The following SPTBN4 variants were observed in gnomAD, a reference collection of about 807,000 sequenced individuals.
The protein encoded by SPTBN4 is spectrin beta, non-erythrocytic 4.
A neutral mutation model predicts 277.8 loss-of-function variants in SPTBN4; 96 were observed. That is an observed-to-expected ratio of 0.35 (90% confidence interval 0.29 to 0.41). SPTBN4 has a LOEUF of 0.41. Among genes scored for constraint, SPTBN4 ranks in the 10% least tolerant of loss-of-function variants. The pLI, the probability that SPTBN4 is intolerant of heterozygous loss-of-function variation, is 1.00. For synonymous variants in SPTBN4, 1,481 were observed against 1,580.3 expected, an observed-to-expected ratio of 0.94 and a Z score of 1.49; for missense variants, 3,006 against 3,595.7, an observed-to-expected ratio of 0.84 and a Z score of 4.19.
In SPTBN4 at chr19:40,560,234, CGGG is replaced by C; in HGVS notation, c.5747_5749del (p.Arg1916_Glu1917delinsGln). On this transcript the variant is annotated inframe_deletion, in exon 27 of 36. Transcript: ENST00000598249. The surrounding 1 kb of genome is among the most constrained non-coding windows in gnomAD (Gnocchi z 5.2). ...TGAACATGCCGAGGCCATCGCTAGC[CGGG>C]AGCAGGAGGTGCTGCAGGGTTGGAA... 6.2e-7 allele frequency: 1 copy of C among 1,611,844 alleles called. No individual in the cohort carries two copies. The highest frequency in any genetic ancestry group is 8.5e-7 in the Non-Finnish European group (1 of 1,179,946).
chr19:40,480,760 C>A (rs1319114362), intron 2 of SPTBN4, among the ~76,000 whole-genome samples: 2 of 151,980 alleles, frequency 1.3e-5, no homozygotes, highest in Non-Finnish European at 2.9e-5. Context: ...TAGTTTGGGG[C>A]TACTATAAAT....
chr19:40,471,137 G>A (rs2079880037), intron 1 of SPTBN4, among the ~76,000 whole-genome samples: 1 of 151,922 alleles, frequency 6.6e-6, no homozygotes, highest in Non-Finnish European at 1.5e-5. Context: ...TTTAGAGACA[G>A]GGTTTCACCA....
In SPTBN4 at chr19:40,490,089, C is replaced by A; in HGVS notation, c.336C>A (p.Arg112=). 6.2e-7 allele frequency: 1 copy of A among 1,610,886 alleles called. No individual in the cohort carries two copies. The highest frequency in any genetic ancestry group is 8.5e-7 in the Non-Finnish European group (1 of 1,177,894). Residue 112 remains arginine (R), a synonymous_variant, in exon 4 of 36, where the codon CGC becomes CGA. Transcript: ENST00000598249. The surrounding 1 kb of genome is among the most constrained non-coding windows in gnomAD (Gnocchi z 4.3). ...TGTCGCCCTAGCCCAGGCCCACGCGCGGCCGCATGCGGATCCACTCACTGG... is the reference window on the plus strand; with the variant it reads ...TGTCGCCCTAGCCCAGGCCCACGCGAGGCCGCATGCGGATCCACTCACTGG... The part of the protein sequence containing the change: ...LSGEQLPRPT[R]GRMRIHSLEN...
chr19:40,555,632 AAC>A (rs990168901), intron 24 of SPTBN4, among the ~76,000 whole-genome samples: 15 of 152,078 alleles, frequency 9.9e-5, no homozygotes, highest in Non-Finnish European at 1.6e-4. Flanking sequence ...ACTTGCAGAA[AAC>A]AGAGTCCTGG....
chr19:40,481,621 G>A (rs544441518), intron 2 of SPTBN4, among the ~76,000 whole-genome samples: 9 of 152,050 alleles, frequency 5.9e-5, no homozygotes, highest in African/African-American at 1.9e-4. Context: ...GATTACAGGC[G>A]CACACCACCA....
At chr19:40,488,059 G>C (rs911666504) in intron 3 of SPTBN4, among the ~76,000 whole-genome samples, 4 of 152,030 alleles carry the variant, frequency 2.6e-5, no homozygotes, top group African/African-American at 4.8e-5. Context: ...GCCTGGGCGC[G>C]TGGCTGGAAC....
chr19:40,532,491 T>G, intron 18 of SPTBN4, 134 bp from the exon 19 acceptor site: 1 of 1,186,802 alleles, frequency 8.4e-7, no homozygotes. Context: ...TTGCAAAGGT[T>G]TTTTCATCCT....
At position 40,556,167 on chromosome 19, in the gene SPTBN4, T is replaced by A; in HGVS notation, c.5168T>A (p.Leu1723Gln). 6.2e-7 allele frequency: 1 copy of A among 1,613,358 alleles called. No homozygotes were observed. Among genetic ancestry groups the A allele is most frequent in the South Asian group, 1.1e-5 (1 of 91,036 alleles). ...CTGGGTGAGGAGCGCCGGGTGGCTC[T>A]GGAACAGCAGTACTGGCTGTACCAG... ...KELGEERRVA[L>Q]EQQYWLYQLS... The change falls in exon 25 of 36, where the codon CTG becomes CAG. Residue 1723 changes from leucine (L) to glutamine (Q), a missense_variant. Around this residue, in one of 5 missense-constraint regions of SPTBN4, gnomAD observed 425 missense variants for 594.7 expected, o/e 0.71. Coordinates refer to ENST00000598249, the MANE Select transcript of SPTBN4 (RefSeq NM_020971.3).
At chr19:40,526,745 C>T (rs990861043) in intron 17 of SPTBN4, among the ~76,000 whole-genome samples, 2 of 152,100 alleles carry the variant, frequency 1.3e-5, no homozygotes, top group Non-Finnish European at 1.5e-5. Context: ...CCACCTTGCT[C>T]GGCTAATTTT....
At chr19:40,529,467 G>C (rs11673605) in intron 18 of SPTBN4, among the ~76,000 whole-genome samples, 1 of 152,156 alleles carries the variant, frequency 6.6e-6, no homozygotes, top group East Asian at 1.9e-4. Context: ...GGGGCGGGGC[G>C]GGCGGTGGGG....
Position 40,493,006 on chromosome 19 carries a change from G to T in SPTBN4, c.539G>T (p.Arg180Leu). 1 of 1,614,036 alleles carries T rather than the reference G, an allele frequency of 6.2e-7. No individual in the cohort carries two copies. Residue 180 changes from arginine to leucine, a missense_variant, in exon 5 of 36, where the codon CGC becomes CTC. Physicochemically the swap from Arg to Leu is moderately radical, Grantham distance 102 (BLOSUM62 -2). Around this residue, in one of 5 missense-constraint regions of SPTBN4, gnomAD observed 114 missense variants for 196.1 expected, o/e 0.58. Coordinates refer to ENST00000598249, the MANE Select transcript of SPTBN4 (RefSeq NM_020971.3). ...GAGACTGAGGACAACAGAGAGACAC[G>T]CTCAGCCAAGGATGCTCTGCTCTTG... ...KIETEDNRETRSAKDALLLWC... is the reference protein window; with the variant it reads ...KIETEDNRETLSAKDALLLWC...
chr19:40,513,225 G>T lies in SPTBN4; in HGVS notation c.2436G>T (p.Ala812=), dbSNP rs1271787397. The T allele has an allele frequency of 1.6e-5, 24 of 1,502,500 alleles. No individual in the cohort carries two copies. The highest frequency in any genetic ancestry group is 2.1e-5 in the Non-Finnish European group (24 of 1,133,606). 93.1% of individuals were successfully genotyped at this position (1,502,500 alleles called of 1,614,324 possible). The change falls in exon 14 of 36, where the codon GCG becomes GCT. Residue 812 remains alanine, a synonymous_variant. Transcript: ENST00000598249. The stretch of plus-strand genomic sequence containing the variant: ...ACGAAGCTTCCAGCCGCCGCCTGGC[G>T]CGCCAGCACCGCGCGCTCACCGGGG... The part of the protein sequence containing the change: ...GHDEASSRRL[A]RQHRALTGEV...
At chr19:40,529,251 C>T (rs570177065) in intron 18 of SPTBN4, 120 bp downstream of exon 18, 1 of 962,564 alleles carries the variant, frequency 1.0e-6, no homozygotes, top group African/African-American at 1.6e-5. Context: ...GATGCTCGCT[C>T]TAAGCCGCCA....
chr19:40,508,140 A>C (rs528592115), intron 13 of SPTBN4, among the ~76,000 whole-genome samples: 1 of 152,312 alleles, frequency 6.6e-6, no homozygotes, highest in African/African-American at 2.4e-5. Context: ...TGCCTACCCC[A>C]GGGCCAGGAG....
rs1416049234 is a variant in SPTBN4 at position 40,472,613 on chromosome 19, C to T, written c.-9C>T. 1 of 1,609,100 alleles carries T rather than the reference C, an allele frequency of 6.2e-7. No homozygotes were observed. Among genetic ancestry groups the T allele is most frequent in the Non-Finnish European group, 8.5e-7 (1 of 1,176,888 alleles). On this transcript the variant is annotated 5_prime_UTR_variant, in exon 2 of 36. Transcript: ENST00000598249. ...TACCTCTCCCTATGTCCAGGCCTCA[C>T]CTTCCCCGATGGCGCAGGTACCAGG...
chr19:40,543,903 G>C (rs1248440209), intron 20 of SPTBN4, among the ~76,000 whole-genome samples: 3 of 152,086 alleles, frequency 2.0e-5, no homozygotes, highest in African/African-American at 7.2e-5. Flanking sequence ...TTCAATTTTT[G>C]AATAAATAAA....
At chr19:40,544,123 TCC>T (rs1226257065) in intron 20 of SPTBN4, among the ~76,000 whole-genome samples, 6 of 117,836 alleles carry the variant, frequency 5.1e-5, no homozygotes, top group Non-Finnish European at 1.8e-5. Flanking sequence ...TTCTTCTTCT[TCC>T]TCTTTTTTTT....
At chr19:40,570,808 G>A in intron 33 of SPTBN4, 80 bp downstream of exon 33, 1 of 1,463,180 alleles carries the variant, frequency 6.8e-7, no homozygotes, top group Non-Finnish European at 9.1e-7. Context: ...ACTGAGGAGG[G>A]GGTGTGGCTC....
rs1232869893 is a variant in SPTBN4 at position 40,534,082 on chromosome 19, G to A, written c.4098G>A (p.Glu1366=). The A allele has an allele frequency of 1.9e-6, 3 of 1,600,310 alleles. No homozygotes were observed. Among genetic ancestry groups the A allele is most frequent in the Non-Finnish European group, 1.7e-6 (2 of 1,169,360 alleles). ...NKEWLEKIER[E]GQQLMQEKPE... Reference sequence around the variant, plus strand: ...TGCCATCCACCCACTTGGGGCAGGAGGGCCAGCAACTGATGCAGGAGAAGC... The same window carrying A: ...TGCCATCCACCCACTTGGGGCAGGAAGGCCAGCAACTGATGCAGGAGAAGC... The change falls in exon 20 of 36, where the codon GAG becomes GAA. Residue 1366 remains glutamate (E), a splice_region_variant and synonymous_variant. Transcript: ENST00000598249.
Sources: gnomAD v4.1 joint callset for allele counts (sites outside exome capture counted in the v4.1 genomes callset) on GRCh38, gnomAD v4.1.1 for gene constraint, gnomAD v4.1.1 regional missense constraint, Gnocchi (gnomAD v3.1) non-coding constraint, MANE v1.5 for transcripts, NCBI Gene and HGNC (gene_info 2026-07-23, HGNC 2026-07-21) for gene names.